The following PDE4DIP variants were observed in gnomAD, a reference collection of about 807,000 sequenced individuals.
PDE4DIP encodes the protein myomegalin.
PDE4DIP carries 59 observed loss-of-function variants against 221.4 expected under a neutral mutation model. That is an observed-to-expected ratio of 0.27 (90% CI 0.22 to 0.33). PDE4DIP has a LOEUF of 0.33. Ranked by LOEUF, PDE4DIP falls within the 10% of genes least tolerant of loss-of-function variation. The probability of loss-of-function intolerance (pLI) is 1.00; values close to 1 mark genes in which losing one functional copy is unlikely to be tolerated. For missense variants in PDE4DIP, 1,036 were observed against 2,154.2 expected (o/e 0.48, Z 10.28); for synonymous variants, 404 against 815.9 (o/e 0.50, Z 8.60).
At chr1:148,938,147 C>T (rs2049675780) in intron 5 of PDE4DIP, 1 of 237,038 alleles carries the variant, frequency 4.2e-6, no homozygotes, top group South Asian at 6.4e-5. Context: ...CTTCTAAGCT[C>T]CTCAGGCTGT....
intron 37 of PDE4DIP, chr1:149,021,412 G>A (rs74579974): frequency 0.029 from 11,760 of 403,356 alleles, 34 homozygotes; most frequent in East Asian, 0.15. Flanking sequence ...TGTCTAGATT[G>A]TAACATTTTT....
chr1:148,964,404 G>T, intron 9 of PDE4DIP, among the ~76,000 whole-genome samples: 1 of 152,020 alleles, frequency 6.6e-6, no homozygotes. Context: ...CACCACGCTG[G>T]GCCAAAATAC....
At chr1:148,952,557 AC>A (rs2053717981) in intron 5 of PDE4DIP, 1 of 1,356,072 alleles carries the variant, frequency 7.4e-7, no homozygotes. Context: ...AGGCGTTTCC[AC>A]GCCCGCCCCC....
intron 19 of PDE4DIP, among the ~76,000 whole-genome samples, chr1:148,979,201 A>G (rs1449839613): frequency 6.6e-6 from 1 of 152,126 alleles, no homozygotes; most frequent in African/African-American, 2.4e-5. Context: ...ACCCCACTGC[A>G]TTCTGGCTTT....
chr1:149,031,243 A>C, intron 43 of PDE4DIP: 1 of 978,180 alleles, frequency 1.0e-6, no homozygotes, highest in Non-Finnish European at 1.2e-6. Flanking sequence ...AAAAGTCTCT[A>C]GTATCCACTA....
intron 2 of PDE4DIP, chr1:148,930,069 T>C (rs1407567976): frequency 6.6e-6 from 1 of 151,730 alleles, no homozygotes. Context: ...TTGATATTTT[T>C]CTTTATATAC....
chr1:149,030,939 G>A, intron 43 of PDE4DIP: 1 of 407,978 alleles, frequency 2.5e-6, no homozygotes, highest in Non-Finnish European at 3.3e-6. Context: ...AAAAACTTGA[G>A]GTATATGAAA....
upstream of PDE4DIP, among the ~76,000 whole-genome samples, chr1:148,889,115 C>A (rs1697256171): frequency 6.6e-6 from 1 of 152,092 alleles, no homozygotes; most frequent in Admixed American, 6.6e-5. Flanking sequence ...TGGTTAGAAG[C>A]TCTTTAAGAT....
intron 2 of PDE4DIP, chr1:148,866,632 G>A (rs1686912775): frequency 7.0e-5 from 3 of 42,696 alleles, no homozygotes; most frequent in Non-Finnish European, 1.3e-4. Flanking sequence ...GAGGGAGGGG[G>A]AAGGGAGGGG....
chr1:149,023,487 A>T (rs1173810985), intron 37 of PDE4DIP, among the ~76,000 whole-genome samples: 3 of 147,474 alleles, frequency 2.0e-5, no homozygotes, highest in African/African-American at 7.5e-5. Context: ...AGATCTCTTC[A>T]TCCCCAGTAC....
chr1:148,990,351 G>T, intron 21 of PDE4DIP: 1 of 985,348 alleles, frequency 1.0e-6, no homozygotes. Context: ...GAGATGAGAT[G>T]AGCATTTATT....
intron 2 of PDE4DIP, chr1:148,929,920 C>T (rs60044897): frequency 1.3e-5 from 2 of 152,432 alleles, no homozygotes; most frequent in South Asian, 2.1e-4. Flanking sequence ...GACTATTATG[C>T]AGTTATTGAA....
chr1:148,950,527 A>T (rs1553486628), intron 5 of PDE4DIP, among the ~76,000 whole-genome samples: 1 of 152,012 alleles, frequency 6.6e-6, no homozygotes, highest in African/African-American at 2.4e-5. Flanking sequence ...AAAGAGGTTT[A>T]ATTGGCTCAC....
Position 148,930,608 on chromosome 1 carries a change from A to C in PDE4DIP, c.219-1192A>C, listed in dbSNP as rs587745758. 72 of 138,230 alleles carry C rather than the reference A, an allele frequency of 5.2e-4. 1 individual carries two copies. Among genetic ancestry groups the C allele is most frequent in the Admixed American group, 4.8e-3 (68 of 14,084 alleles). 8.6% of individuals were successfully genotyped at this position (138,230 alleles called of 1,614,324 possible). A position where few individuals can be genotyped will look rare whatever the true frequency, so the allele number is the denominator to read the frequency against. On this transcript the variant is annotated intron_variant, in intron 2 of 43. Coordinates refer to ENST00000369354, the Ensembl canonical transcript of PDE4DIP. The stretch of plus-strand genomic sequence containing the variant: ...GCAATCCCATTTACAATATCTGCTA[A>C]AAAAAAAAAAAAATACCTTGGAATA...
At chr1:149,021,450 T>G (rs1343757342) in intron 37 of PDE4DIP, 4 of 285,388 alleles carry the variant, frequency 1.4e-5, no homozygotes, top group African/African-American at 4.3e-5. Flanking sequence ...CCTAATGATA[T>G]CATCATTTGA....
At chr1:148,975,798 C>A (rs1181627557) in intron 17 of PDE4DIP, among the ~76,000 whole-genome samples, 1 of 152,220 alleles carries the variant, frequency 6.6e-6, no homozygotes, top group Admixed American at 6.5e-5. Context: ...GTCATGGCTT[C>A]CTAAATTCAG....
chr1:148,973,675 G>A (rs1267395165), intron 16 of PDE4DIP, among the ~76,000 whole-genome samples: 2 of 152,032 alleles, frequency 1.3e-5, no homozygotes, highest in Non-Finnish European at 2.9e-5. Context: ...TTTTGGAATT[G>A]TTACATAAAT....
chr1:149,000,616 A>G (rs2065426129), intron 23 of PDE4DIP, among the ~76,000 whole-genome samples: 1 of 151,808 alleles, frequency 6.6e-6, no homozygotes, highest in Non-Finnish European at 1.5e-5. Flanking sequence ...TAAAATGTGG[A>G]TTCATAGGCC....
intron 17 of PDE4DIP, among the ~76,000 whole-genome samples, chr1:148,975,149 C>T (rs1553536280): frequency 6.8e-6 from 1 of 148,114 alleles, no homozygotes; most frequent in African/African-American, 2.5e-5. Context: ...CCAGCCTGGG[C>T]AACAAGAGCA....
Sources: allele counts gnomAD v4.1 joint callset (sites outside exome capture counted in the v4.1 genomes callset), GRCh38; gene constraint gnomAD v4.1.1; transcripts MANE v1.5; gene names NCBI Gene and HGNC (gene_info 2026-07-23, HGNC 2026-07-21).